MGMT: variants seen among roughly 807,000 people sequenced by gnomAD.
MGMT encodes the protein O-6-methylguanine-DNA methyltransferase.
In MGMT, 14 loss-of-function variants were observed where a neutral mutation model predicts 15.9. The ratio of observed to expected loss-of-function variants is 0.88; its 90% confidence interval spans 0.58 to 1.37. The LOEUF is 1.37. MGMT is among the 40% of genes most tolerant of loss of function. MGMT has a pLI of 0.00. For synonymous variants in MGMT, 130 were observed against 118.2 expected, an observed-to-expected ratio of 1.10 and a Z score of -0.65; for missense variants, 282 against 268.1, an observed-to-expected ratio of 1.05 and a Z score of -0.36.
At chr10:129,712,837 G>A (rs1268818903) in intron 3 of MGMT, among the ~76,000 whole-genome samples, 2 of 152,296 alleles carry the variant, frequency 1.3e-5, no homozygotes, top group East Asian at 3.9e-4. Context: ...CCATCCTGCT[G>A]CCTACTCACA....
intron 2 of MGMT, among the ~76,000 whole-genome samples, chr10:129,578,800 G>A (rs544708077): frequency 2.6e-5 from 4 of 152,162 alleles, no homozygotes; most frequent in East Asian, 3.9e-4. Context: ...CTTCCTTACC[G>A]CTACCTCTCC....
intron 2 of MGMT, among the ~76,000 whole-genome samples, chr10:129,622,402 A>G (rs368329464): frequency 9.9e-5 from 15 of 152,240 alleles, no homozygotes; most frequent in Non-Finnish European, 2.2e-4. Flanking sequence ...TTGTCTTGAA[A>G]TTAAATTGTG....
At chr10:129,688,939 T>A (rs1396162811) in intron 2 of MGMT, among the ~76,000 whole-genome samples, 2 of 152,120 alleles carry the variant, frequency 1.3e-5, no homozygotes, top group Admixed American at 6.5e-5. Flanking sequence ...GTTTTTTTTT[T>A]AGAAAATGTG....
intron 3 of MGMT, among the ~76,000 whole-genome samples, chr10:129,712,318 T>G (rs1848241778): frequency 6.6e-6 from 1 of 152,326 alleles, no homozygotes; most frequent in African/African-American, 2.4e-5. Flanking sequence ...TGAGTTTTCT[T>G]TGTAAAGTGA....
rs61561731 is a variant in MGMT at position 129,556,218 on chromosome 10, G to A, written c.125+19841G>A. Among the ~76,000 whole-genome samples, 12,891 of 152,144 alleles carry A rather than the reference G, an allele frequency of 0.085. 751 individuals are homozygous for A. Among genetic ancestry groups the A allele is most frequent in the East Asian group, 0.3 (1,564 of 5,136 alleles). ...TCTGTTGGTCTCTGTGTAGCACGTG[G>A]CCCCCAAAATTTAGGTGTTGAAGTC... On this transcript the variant is annotated intron_variant, in intron 2 of 4. Transcript: ENST00000651593. The surrounding 1 kb of genome is among the most constrained non-coding windows in gnomAD (Gnocchi z 4.3).
intron 2 of MGMT, among the ~76,000 whole-genome samples, chr10:129,642,898 T>C (rs74757379): frequency 0.047 from 7,185 of 151,850 alleles, 204 homozygotes; most frequent in Middle Eastern, 0.088. Flanking sequence ...CACCAAGGCA[T>C]TCCAGCCTGG....
In MGMT at chr10:129,678,930, G is replaced by A. The variant is rs977165956; in HGVS notation, c.126-28965G>A. The stretch of plus-strand genomic sequence containing the variant: ...TCTACTAAAAATACAAAAACTCGCC[G>A]AGCGTGGTGGTGCACACCTGTAATC... On this transcript the variant is annotated intron_variant, in intron 2 of 4. Transcript: ENST00000651593. Among the ~76,000 whole-genome samples the A allele has an allele frequency of 3.0e-4, 46 of 152,136 alleles. 1 individual carries two copies. The highest frequency in any genetic ancestry group is 9.9e-4 in the African/African-American group (41 of 41,510).
At chr10:129,590,209 G>A (rs1227312265) in intron 2 of MGMT, among the ~76,000 whole-genome samples, 3 of 152,136 alleles carry the variant, frequency 2.0e-5, no homozygotes, top group Non-Finnish European at 4.4e-5. Flanking sequence ...GTGGTCTTTT[G>A]TTTTACTTGG....
At chr10:129,593,021 A>G (rs2133055368) in intron 2 of MGMT, among the ~76,000 whole-genome samples, 1 of 152,322 alleles carries the variant, frequency 6.6e-6, no homozygotes, top group South Asian at 2.1e-4. Context: ...CCACCGCCCC[A>G]GACAAACACC....
chr10:129,544,699 G>A (rs763510999), intron 2 of MGMT, among the ~76,000 whole-genome samples: 9 of 152,376 alleles, frequency 5.9e-5, no homozygotes, highest in Non-Finnish European at 7.3e-5. Flanking sequence ...CTGTGTCTGC[G>A]CTGGGCTTGC....
intron 2 of MGMT, among the ~76,000 whole-genome samples, chr10:129,703,980 C>A (rs1379192999): frequency 6.6e-6 from 1 of 152,120 alleles, no homozygotes; most frequent in Non-Finnish European, 1.5e-5. Flanking sequence ...CTCTGCATCA[C>A]TCAGGAGGGA....
At chr10:129,502,140 C>T (rs926048220) in intron 1 of MGMT, among the ~76,000 whole-genome samples, 11 of 152,208 alleles carry the variant, frequency 7.2e-5, no homozygotes, top group South Asian at 2.1e-4. Flanking sequence ...ACTAGTACAG[C>T]GTGGAGTGTG....
At chr10:129,604,426 C>A (rs1846863057) in intron 2 of MGMT, among the ~76,000 whole-genome samples, 1 of 152,072 alleles carries the variant, frequency 6.6e-6, no homozygotes, top group African/African-American at 2.4e-5. Context: ...GTGAATTTGC[C>A]CTGGCTCCAG....
At chr10:129,727,956 C>T (rs1279897185) in intron 3 of MGMT, among the ~76,000 whole-genome samples, 1 of 152,204 alleles carries the variant, frequency 6.6e-6, no homozygotes, top group Non-Finnish European at 1.5e-5. Flanking sequence ...AGCAAGCAAT[C>T]CCTTCTGGCT....
chr10:129,638,429 CAAAAAAA>C, intron 2 of MGMT, among the ~76,000 whole-genome samples: 2 of 61,784 alleles, frequency 3.2e-5, no homozygotes, highest in African/African-American at 1.0e-4. Flanking sequence ...ACCAAAGAGG[CAAAAAAA>C]AAAAAAAAAG....
At chr10:129,626,926 G>A (rs973242791) in intron 2 of MGMT, among the ~76,000 whole-genome samples, 7 of 152,204 alleles carry the variant, frequency 4.6e-5, no homozygotes, top group Non-Finnish European at 1.0e-4. Context: ...AGTACATAGT[G>A]CAAGAAGCGT....
At chr10:129,586,622 T>C (rs1359680066) in intron 2 of MGMT, among the ~76,000 whole-genome samples, 3 of 152,230 alleles carry the variant, frequency 2.0e-5, no homozygotes, top group African/African-American at 7.2e-5. Flanking sequence ...CCACAGTTTA[T>C]CATTCGTTTG....
intron 2 of MGMT, among the ~76,000 whole-genome samples, chr10:129,704,936 C>A (rs35907506): frequency 0.18 from 27,477 of 152,118 alleles, 2,695 homozygotes; most frequent in East Asian, 0.31. Context: ...CATTTCTGCA[C>A]CTGCAGGACC....
At chr10:129,610,507 C>T (rs117878232) in intron 2 of MGMT, among the ~76,000 whole-genome samples, 3,946 of 152,364 alleles carry the variant, frequency 0.026, 81 homozygotes, top group South Asian at 0.064. Flanking sequence ...TTCAGCTCTC[C>T]GTCCATATGC....
Sources: gnomAD v4.1 joint callset for allele counts (sites outside exome capture counted in the v4.1 genomes callset) on GRCh38, gnomAD v4.1.1 for gene constraint, Gnocchi (gnomAD v3.1) non-coding constraint, MANE v1.5 for transcripts, NCBI Gene and HGNC (gene_info 2026-07-23, HGNC 2026-07-21) for gene names.